CDH12: variants seen among roughly 807,000 people sequenced by gnomAD.
The protein encoded by CDH12 is cadherin 12.
In CDH12, 41 loss-of-function variants were observed where a neutral mutation model predicts 74.1. The observed-to-expected ratio is 0.55, with a 90% CI of 0.43 to 0.72. CDH12 has a LOEUF of 0.72. Among genes scored for constraint, CDH12 ranks in the 30% least tolerant of loss-of-function variants. The probability of loss-of-function intolerance (pLI) is 0.00; values close to 1 mark genes in which losing one functional copy is unlikely to be tolerated. For missense variants in CDH12, 945 were observed against 977.2 expected (o/e 0.97, Z 0.44); for synonymous variants, 399 against 355.0 (o/e 1.12, Z -1.39).
chr5:21,884,205 T>C (rs1752511124), intron 6 of CDH12: 5 of 1,582,796 alleles, frequency 3.2e-6, no homozygotes, highest in Non-Finnish European at 4.3e-6. Context: ...GGCCTCTCTG[T>C]TAACTACAGC....
chr5:21,869,987 A>G (rs1239341977), intron 6 of CDH12, among the ~76,000 whole-genome samples: 1 of 152,130 alleles, frequency 6.6e-6, no homozygotes, highest in Non-Finnish European at 1.5e-5. Flanking sequence ...TTATGGGGGC[A>G]GTTTCTCCCA....
At chr5:21,994,326 G>A (rs1736147107) in intron 5 of CDH12, among the ~76,000 whole-genome samples, 1 of 149,542 alleles carries the variant, frequency 6.7e-6, no homozygotes, top group South Asian at 2.1e-4. Context: ...GAAGAAAGGA[G>A]TTCTGACAAC....
intron 6 of CDH12, among the ~76,000 whole-genome samples, chr5:21,956,381 C>A (rs1464704068): frequency 3.3e-5 from 5 of 151,882 alleles, no homozygotes; most frequent in African/African-American, 1.2e-4. Flanking sequence ...GCATTGTCAT[C>A]CAAGTAGATG....
intron 1 of CDH12, among the ~76,000 whole-genome samples, chr5:22,626,613 A>G (rs1738311437): frequency 6.6e-6 from 1 of 152,200 alleles, no homozygotes; most frequent in South Asian, 2.1e-4. Context: ...CAGAAATATC[A>G]AAGAGTAAAG....
chr5:22,508,812 A>G (rs756742679), intron 1 of CDH12, among the ~76,000 whole-genome samples: 23 of 152,098 alleles, frequency 1.5e-4, no homozygotes, highest in Non-Finnish European at 2.6e-4. Context: ...TATGTCTTAC[A>G]TGTATTTGAT....
chr5:22,164,601 T>C (rs1748572173), intron 4 of CDH12, among the ~76,000 whole-genome samples: 1 of 152,134 alleles, frequency 6.6e-6, no homozygotes, highest in Non-Finnish European at 1.5e-5. Context: ...AAAACAGAGC[T>C]CCTGTACGAG....
At chr5:22,816,520 C>A (rs533397707) in intron 1 of CDH12, among the ~76,000 whole-genome samples, 2 of 152,256 alleles carry the variant, frequency 1.3e-5, no homozygotes, top group Admixed American at 6.5e-5. Flanking sequence ...TTGACATGAA[C>A]CATAGAGGAA....
At chr5:22,000,386 C>T (rs1334032762) in intron 5 of CDH12, among the ~76,000 whole-genome samples, 1 of 152,142 alleles carries the variant, frequency 6.6e-6, no homozygotes, top group East Asian at 1.9e-4. Context: ...TCACATCAGC[C>T]GTTGGCCTGA....
At chr5:22,693,953 A>G (rs1197339277) in intron 1 of CDH12, among the ~76,000 whole-genome samples, 1 of 151,736 alleles carries the variant, frequency 6.6e-6, no homozygotes, top group East Asian at 1.9e-4. Context: ...TTATTTGTTT[A>G]TTGAGAGAAA....
chr5:22,675,181 G>T (rs1457359895), intron 1 of CDH12, among the ~76,000 whole-genome samples: 1 of 152,062 alleles, frequency 6.6e-6, no homozygotes, highest in Non-Finnish European at 1.5e-5. Context: ...TGGTTTCGTG[G>T]GCCAGGCCCA....
At chr5:21,932,598 AAAAAT>A (rs2150082427) in intron 6 of CDH12, among the ~76,000 whole-genome samples, 1 of 152,196 alleles carries the variant, frequency 6.6e-6, no homozygotes. Flanking sequence ...AAATAAAAAT[AAAAAT>A]AAAAGAGACT....
chr5:22,676,154 C>T (rs577176478), intron 1 of CDH12, among the ~76,000 whole-genome samples: 34 of 150,688 alleles, frequency 2.3e-4, no homozygotes, highest in Non-Finnish European at 3.5e-4. Context: ...CGTTTTTATT[C>T]TCATTGTTGT....
At chr5:22,127,122 C>G (rs1433994143) in intron 4 of CDH12, among the ~76,000 whole-genome samples, 1 of 152,040 alleles carries the variant, frequency 6.6e-6, no homozygotes, top group African/African-American at 2.4e-5. Flanking sequence ...TCAAAAACAA[C>G]TATATTGTGC....
At chr5:21,931,730 G>T (rs1327906900) in intron 6 of CDH12, among the ~76,000 whole-genome samples, 2 of 152,140 alleles carry the variant, frequency 1.3e-5, no homozygotes, top group African/African-American at 4.8e-5. Flanking sequence ...CTGCACTTTA[G>T]TCTACCAATT....
chr5:22,132,584 G>C (rs1210792305), intron 4 of CDH12, among the ~76,000 whole-genome samples: 1 of 151,934 alleles, frequency 6.6e-6, no homozygotes, highest in Admixed American at 6.6e-5. Context: ...AGGGGGAAAC[G>C]GGGAGTAGTT....
intron 1 of CDH12, among the ~76,000 whole-genome samples, chr5:22,832,443 A>G (rs1435649746): frequency 6.6e-6 from 1 of 152,132 alleles, no homozygotes. Context: ...CCATTCAGGA[A>G]TACTTTGAAT....
chr5:22,006,226 C>T (rs1190522652), intron 5 of CDH12, among the ~76,000 whole-genome samples: 1 of 151,906 alleles, frequency 6.6e-6, no homozygotes, highest in Non-Finnish European at 1.5e-5. Flanking sequence ...ACTATATTGA[C>T]CAAGGTGGTC....
chr5:22,082,400 ACAGT>A (rs1375916041), intron 4 of CDH12, among the ~76,000 whole-genome samples: 2 of 152,124 alleles, frequency 1.3e-5, no homozygotes, highest in East Asian at 1.9e-4. Flanking sequence ...CGATACTGTG[ACAGT>A]CAGTCTGCTA....
At chr5:21,814,922 G>T (rs376727015) in intron 9 of CDH12, among the ~76,000 whole-genome samples, 23 of 151,864 alleles carry the variant, frequency 1.5e-4, no homozygotes, top group African/African-American at 3.9e-4. Context: ...AAGAAAAAGA[G>T]AAAAACAAAC....
Sources: gnomAD v4.1 joint callset for allele counts (sites outside exome capture counted in the v4.1 genomes callset) on GRCh38, gnomAD v4.1.1 for gene constraint, MANE v1.5 for transcripts, NCBI Gene and HGNC (gene_info 2026-07-23, HGNC 2026-07-21) for gene names.